Variants in NECAB1 observed in about 807,000 individuals in gnomAD.
NECAB1 encodes N-terminal EF-hand calcium binding protein 1, also known as N-terminal EF-hand calcium-binding protein 1.
In NECAB1, 29 loss-of-function variants were observed where a neutral mutation model predicts 57.5. That is an observed-to-expected ratio of 0.50 (90% confidence interval 0.38 to 0.69). NECAB1 has a LOEUF of 0.69. Ranked by LOEUF, NECAB1 falls within the 30% of genes least tolerant of loss-of-function variation. The probability of loss-of-function intolerance (pLI) is 0.00; values close to 1 mark genes in which losing one functional copy is unlikely to be tolerated. For missense variants in NECAB1, 372 were observed against 413.8 expected (o/e 0.90, Z 0.88); for synonymous variants, 142 against 147.7 (o/e 0.96, Z 0.28).
At chr8:90,944,048 A>G (rs1303947277) in intron 10 of NECAB1, among the ~76,000 whole-genome samples, 1 of 152,162 alleles carries the variant, frequency 6.6e-6, no homozygotes, top group Admixed American at 6.5e-5. Context: ...CACTGTGCCT[A>G]TCCTCTTGTC....
chr8:90,913,337 A>G (rs1344260344), intron 5 of NECAB1, among the ~76,000 whole-genome samples: 1 of 147,858 alleles, frequency 6.8e-6, no homozygotes, highest in African/African-American at 2.6e-5. Context: ...TTTGTTGACA[A>G]TTTCCACTTA....
At chr8:90,849,022 C>T (rs911519548) in intron 3 of NECAB1, among the ~76,000 whole-genome samples, 4 of 152,150 alleles carry the variant, frequency 2.6e-5, no homozygotes, top group Admixed American at 2.0e-4. Context: ...CAAAAACCCA[C>T]CCCCAATGAT....
intron 6 of NECAB1, among the ~76,000 whole-genome samples, chr8:90,920,471 A>G (rs1028740317): frequency 6.6e-6 from 1 of 152,186 alleles, no homozygotes; most frequent in Non-Finnish European, 1.5e-5. Flanking sequence ...GAGAAAAACT[A>G]TACCTTTCCT....
chr8:90,892,716 T>C lies in NECAB1; in HGVS notation c.357+11586T>C, dbSNP rs142592228. ...GAGCCTCCTTGACTCGCACAGGGAT[T>C]CCTTGTCACAGCACCGAAGTCATTA... On this transcript the variant is annotated intron_variant, in intron 5 of 12. Coordinates refer to ENST00000417640, the MANE Select transcript of NECAB1 (RefSeq NM_022351.5). Among the ~76,000 whole-genome samples the C allele has an allele frequency of 3.2e-3, 482 of 152,318 alleles. 3 individuals are homozygous for C. The highest frequency in any genetic ancestry group is 6.3e-3 in the Admixed American group (97 of 15,308).
In NECAB1 at chr8:90,917,673, T is replaced by C. The variant is rs751370230; in HGVS notation, c.494+45T>C. The C allele has an allele frequency of 2.6e-6, 4 of 1,526,106 alleles. No individual in the cohort carries two copies. In the Admixed American group the frequency reaches 6.0e-5, roughly 23 times the overall value. The allele number at this position is 1,526,106 out of a possible 1,614,324, so 94.5% of individuals were successfully genotyped here. A position where few individuals can be genotyped will look rare whatever the true frequency, so the allele number is the denominator to read the frequency against. ...CTGATGTCTATTTAGTGACTCTATG[T>C]TCATGAAAAAACAATTGAGAGGCAT... On this transcript the variant is annotated intron_variant, in intron 6 of 12. Coordinates refer to ENST00000417640, the MANE Select transcript of NECAB1 (RefSeq NM_022351.5).
intron 5 of NECAB1, among the ~76,000 whole-genome samples, chr8:90,881,772 T>C (rs1448705788): frequency 1.3e-5 from 2 of 152,156 alleles, no homozygotes; most frequent in African/African-American, 4.8e-5. Flanking sequence ...TTTATAGCAA[T>C]GAGGGAACTG....
At position 90,805,023 on chromosome 8, in the gene NECAB1, T is replaced by A. The variant is rs4489289; in HGVS notation, c.124+3308T>A. Among the ~76,000 whole-genome samples, 4 of 152,156 alleles carry A rather than the reference T, an allele frequency of 2.6e-5. No homozygotes were observed. In the South Asian group the frequency reaches 8.3e-4, roughly 32 times the overall value. Reference sequence around the variant, plus strand: ...ACTGAAAGCTTGAGCTGTTTTTTCTTCTGTGATGACTTGGCTATCTGAGAT... The same window carrying A: ...ACTGAAAGCTTGAGCTGTTTTTTCTACTGTGATGACTTGGCTATCTGAGAT... On this transcript the variant is annotated intron_variant, in intron 2 of 12. Coordinates refer to ENST00000417640, the MANE Select transcript of NECAB1 (RefSeq NM_022351.5).
chr8:90,851,191 A>G (rs994262173), intron 3 of NECAB1, among the ~76,000 whole-genome samples: 4 of 152,230 alleles, frequency 2.6e-5, no homozygotes, highest in East Asian at 1.9e-4. Context: ...ACTGCCCTCA[A>G]TACCTTGTCT....
intron 8 of NECAB1, among the ~76,000 whole-genome samples, chr8:90,929,184 C>A (rs137877418): frequency 1.3e-5 from 2 of 151,952 alleles, no homozygotes; most frequent in Non-Finnish European, 2.9e-5. Context: ...AATGACTGAC[C>A]GAGACATGTT....
intron 3 of NECAB1, among the ~76,000 whole-genome samples, chr8:90,847,669 C>T (rs375557655): frequency 9.8e-5 from 15 of 152,338 alleles, no homozygotes; most frequent in South Asian, 4.1e-4. Flanking sequence ...GCAGAGGATC[C>T]CAAACCTCAG....
intron 8 of NECAB1, among the ~76,000 whole-genome samples, chr8:90,930,100 G>T (rs1342332578): frequency 6.6e-6 from 1 of 152,092 alleles, no homozygotes; most frequent in Non-Finnish European, 1.5e-5. Flanking sequence ...ATGCAAAATG[G>T]GTTAAAACAA....
chr8:90,884,560 G>A (rs746607796), intron 5 of NECAB1, among the ~76,000 whole-genome samples: 10 of 151,996 alleles, frequency 6.6e-5, no homozygotes, highest in Non-Finnish European at 1.3e-4. Flanking sequence ...ACCATATGTG[G>A]CATAGTAAAA....
chr8:90,888,673 T>C (rs1259807268), intron 5 of NECAB1, among the ~76,000 whole-genome samples: 1 of 152,200 alleles, frequency 6.6e-6, no homozygotes, highest in Non-Finnish European at 1.5e-5. Context: ...TTGGCAAAGT[T>C]CTTATTTTCA....
At chr8:90,870,570 T>C (rs1288686623) in intron 3 of NECAB1, among the ~76,000 whole-genome samples, 1 of 152,242 alleles carries the variant, frequency 6.6e-6, no homozygotes, top group Non-Finnish European at 1.5e-5. Flanking sequence ...TCTACTACTA[T>C]TTAGAGATTT....
Position 90,917,378 on chromosome 8 carries a change from CCTCT to C in NECAB1, c.358-107_358-104del, listed in dbSNP as rs1809978979. On this transcript the variant is annotated intron_variant, in intron 5 of 12. Coordinates refer to ENST00000417640, the MANE Select transcript of NECAB1 (RefSeq NM_022351.5). ...GACAGATCTTTTCCCTTCTCTCCACCCTCTCTCTCTAGGATCAATCTGGGATTGA... is the reference window on the plus strand; with the variant it reads ...GACAGATCTTTTCCCTTCTCTCCACCCTCTCTAGGATCAATCTGGGATTGA... 7.0e-6 allele frequency: 6 copies of C among 855,976 alleles called. No individual in the cohort carries two copies. In the South Asian group the frequency reaches 2.1e-4, roughly 30 times the overall value. 53.0% of individuals were successfully genotyped at this position (855,976 alleles called of 1,614,324 possible).
intron 2 of NECAB1, among the ~76,000 whole-genome samples, chr8:90,816,274 T>C (rs1812060046): frequency 6.6e-6 from 1 of 151,870 alleles, no homozygotes; most frequent in Non-Finnish European, 1.5e-5. Context: ...AGATATGGGT[T>C]TCGCAAATAT....
At chr8:90,816,038 C>A (rs1812056386) in intron 2 of NECAB1, among the ~76,000 whole-genome samples, 1 of 151,854 alleles carries the variant, frequency 6.6e-6, no homozygotes, top group African/African-American at 2.4e-5. Context: ...CACTTTCTAG[C>A]CAAAAATTGG....
Position 90,922,486 on chromosome 8 carries a change from A to ATTTTTTTTTTT in NECAB1, c.495-3035_495-3025dup, listed in dbSNP as rs577951495. 9.0e-4 allele frequency among the ~76,000 whole-genome samples: 52 copies of ATTTTTTTTTTT among 57,500 alleles called. 8 individuals are homozygous for ATTTTTTTTTTT. The highest frequency in any genetic ancestry group is 2.4e-3 in the African/African-American group (40 of 16,878). 37.7% of individuals were successfully genotyped at this position (57,500 alleles called of 152,430 possible). ...ACCACCAAAGCTGCCAAAAACTTGGATTTTTTTTTTTTTTTTTTTTTTTTG... is the reference window on the plus strand; with the variant it reads ...ACCACCAAAGCTGCCAAAAACTTGGATTTTTTTTTTTTTTTTTTTTTTTTTTTTTTTTTTTG... On this transcript the variant is annotated intron_variant, in intron 6 of 12. Transcript: ENST00000417640.
chr8:90,840,217 T>G (rs914241270), intron 3 of NECAB1, among the ~76,000 whole-genome samples: 2 of 152,350 alleles, frequency 1.3e-5, no homozygotes, highest in Admixed American at 1.3e-4. Context: ...AATTTAACAG[T>G]CAGGGAGACT....
Sources: gnomAD v4.1 joint callset for allele counts (sites outside exome capture counted in the v4.1 genomes callset) on GRCh38, gnomAD v4.1.1 for gene constraint, MANE v1.5 for transcripts, NCBI Gene and HGNC (gene_info 2026-07-23, HGNC 2026-07-21) for gene names.